PCDHGA2: variants seen among roughly 807,000 people sequenced by gnomAD.
The protein encoded by PCDHGA2 is protocadherin gamma subfamily A, 2.
PCDHGA2 carries 40 observed loss-of-function variants against 59.2 expected under a neutral mutation model. The observed-to-expected ratio is 0.68, with a 90% CI of 0.52 to 0.88. PCDHGA2 has a LOEUF of 0.88. Ranked by LOEUF, PCDHGA2 falls within the 40% of genes least tolerant of loss-of-function variation. PCDHGA2 has a pLI of 0.00. For missense variants in PCDHGA2, 1,226 were observed against 1,204.0 expected (o/e 1.02, Z -0.27); for synonymous variants, 560 against 526.0 (o/e 1.06, Z -0.89).
At chr5:141,474,106 A>G (rs1334111464) in intron 1 of PCDHGA2, among the ~76,000 whole-genome samples, 1 of 152,108 alleles carries the variant, frequency 6.6e-6, no homozygotes, top group African/African-American at 2.4e-5. Flanking sequence ...CAACAAAAAC[A>G]ACAACAACGA....
chr5:141,410,897 A>G (rs1276742953), intron 1 of PCDHGA2: 1 of 273,412 alleles, frequency 3.7e-6, no homozygotes, highest in African/African-American at 3.4e-5. Flanking sequence ...ACTGTTGCCT[A>G]GGCTGGAGTG....
intron 1 of PCDHGA2, chr5:141,355,521 G>C (rs1759885440): frequency 1.2e-6 from 2 of 1,613,948 alleles, no homozygotes; most frequent in Admixed American, 1.7e-5. Context: ...CAAACCTGGA[G>C]ATTCTTCTAG....
At chr5:141,405,370 G>C in intron 1 of PCDHGA2, 1 of 1,606,236 alleles carries the variant, frequency 6.2e-7, no homozygotes, top group Non-Finnish European at 8.5e-7. Flanking sequence ...ACACCCCTTT[G>C]GTTCCGGTGA....
At chr5:141,503,745 G>A (rs1377110427) in intron 2 of PCDHGA2, among the ~76,000 whole-genome samples, 3 of 152,220 alleles carry the variant, frequency 2.0e-5, no homozygotes, top group South Asian at 2.1e-4. Flanking sequence ...ATGGTATAGA[G>A]GTCACACATG....
chr5:141,434,852 A>G (rs1382212982), intron 1 of PCDHGA2, among the ~76,000 whole-genome samples: 2 of 151,990 alleles, frequency 1.3e-5, no homozygotes, highest in Non-Finnish European at 2.9e-5. Context: ...AGACATCAAT[A>G]AATTTATATA....
At chr5:141,346,623 C>T in intron 1 of PCDHGA2, 1 of 1,041,560 alleles carries the variant, frequency 9.6e-7, no homozygotes, top group East Asian at 2.6e-5. Context: ...GACTGCACTC[C>T]CCGGTCTGGT....
At chr5:141,391,884 G>C (rs1192403353) in intron 1 of PCDHGA2, 1 of 152,128 alleles carries the variant, frequency 6.6e-6, no homozygotes, top group East Asian at 1.9e-4. Flanking sequence ...TTGGTGAAAG[G>C]GATGGGATGG....
intron 1 of PCDHGA2, chr5:141,360,166 G>C (rs909709535): frequency 3.1e-6 from 5 of 1,607,806 alleles, no homozygotes; most frequent in Non-Finnish European, 4.2e-6. Flanking sequence ...GTGCGGGCTG[G>C]TGCGGTGGCT....
intron 1 of PCDHGA2, among the ~76,000 whole-genome samples, chr5:141,462,993 T>A (rs1350208420): frequency 1.3e-5 from 2 of 152,164 alleles, no homozygotes; most frequent in African/African-American, 4.8e-5. Flanking sequence ...TTGGGCTAAT[T>A]TAGACCTACC....
chr5:141,460,951 GTA>G (rs200454978), intron 1 of PCDHGA2, among the ~76,000 whole-genome samples: 208 of 139,744 alleles, frequency 1.5e-3, no homozygotes, highest in South Asian at 4.3e-3. Flanking sequence ...TATGTATTAT[GTA>G]TATATATATG....
chr5:141,409,023 A>C, intron 1 of PCDHGA2: 1 of 1,614,044 alleles, frequency 6.2e-7, no homozygotes, highest in Non-Finnish European at 8.5e-7. Flanking sequence ...GAGGGGGTCA[A>C]TGCTGAGATA....
chr5:141,482,645 G>A (rs1267966412), intron 1 of PCDHGA2, among the ~76,000 whole-genome samples: 1 of 152,120 alleles, frequency 6.6e-6, no homozygotes, highest in Admixed American at 6.5e-5. Context: ...TAGAGGTGGT[G>A]ATGCTTGAGC....
rs143025976 is a variant in PCDHGA2 at position 141,348,506 on chromosome 5, G to A, written c.2424+7111G>A. On this transcript the variant is annotated intron_variant, in intron 1 of 3. Coordinates refer to ENST00000394576, the MANE Select transcript of PCDHGA2 (RefSeq NM_018915.4). ...TAAGGAGAAAAAAAATTAATTAGCT[G>A]TGTCAGGGGAAATTTGGATGCTCAA... is the stretch of plus-strand genomic sequence containing the variant. 5.9e-5 allele frequency among the ~76,000 whole-genome samples: 9 copies of A among 152,260 alleles called. No individual in the cohort carries two copies. The East Asian group carries it at 1.5e-3, about 26-fold the overall frequency.
rs1561561698 is a variant in PCDHGA2 at position 141,374,186 on chromosome 5, A to G, written c.2424+32791A>G. 5 of 1,613,668 alleles carry G rather than the reference A, an allele frequency of 3.1e-6. No individual in the cohort carries two copies. The highest frequency in any genetic ancestry group is 3.3e-5 in the Admixed American group (2 of 60,008). On this transcript the variant is annotated intron_variant, in intron 1 of 3. Transcript: ENST00000394576. ...CGCGGCAGCGCAGATCCGCTACTCT[A>G]TTCCCGAGGAGCTGGAGAAAGGCTC... is the stretch of plus-strand genomic sequence containing the variant.
intron 1 of PCDHGA2, chr5:141,478,910 A>C (rs568573298): frequency 1.1e-6 from 1 of 893,688 alleles, no homozygotes; most frequent in Non-Finnish European, 1.6e-6. Context: ...AAGCTGCTGG[A>C]TACCTCTAAC....
rs528779386 is a variant in PCDHGA2, at chr5:141,509,416, C to T, written c.2573-1531C>T. Among the ~76,000 whole-genome samples, 4 of 152,258 alleles carry T rather than the reference C, an allele frequency of 2.6e-5. No individual in the cohort carries two copies. In the East Asian group the frequency reaches 7.7e-4, roughly 29 times the overall value. ...TCTCAGGGCCTCCAGCAGCGAGCCCCAATGAGTCAAACTCTTGTTTCCTCC... is the reference window on the plus strand; with the variant it reads ...TCTCAGGGCCTCCAGCAGCGAGCCCTAATGAGTCAAACTCTTGTTTCCTCC... On this transcript the variant is annotated intron_variant, in intron 3 of 3. Transcript: ENST00000394576.
In PCDHGA2 at chr5:141,489,684, T is replaced by A; in HGVS notation, c.2425-5123T>A. 1 of 1,614,180 alleles carries A rather than the reference T, an allele frequency of 6.2e-7. No homozygotes were observed. Among genetic ancestry groups the A allele is most frequent in the South Asian group, 1.1e-5 (1 of 91,078 alleles). ...TGCGCATCTCAGAATCAGCAGCATC[T>A]GGGGCACGATTCCCACTGGACAGTG... On this transcript the variant is annotated intron_variant, in intron 1 of 3. Transcript: ENST00000394576. This position sits in a 1 kb window ranked among gnomAD's most constrained non-coding sequence, Gnocchi z 4.5.
At chr5:141,499,289 C>T in intron 2 of PCDHGA2, among the ~76,000 whole-genome samples, 1 of 152,212 alleles carries the variant, frequency 6.6e-6, no homozygotes, top group African/African-American at 2.4e-5. Context: ...GATGGCTCCA[C>T]ACTACCATCC....
Position 141,364,897 on chromosome 5 carries a change from A to C in PCDHGA2, c.2424+23502A>C, listed in dbSNP as rs780576369. 45 of 1,613,852 alleles carry C rather than the reference A, an allele frequency of 2.8e-5. No homozygotes were observed. In the Admixed American group the frequency reaches 3.2e-4, roughly 11 times the overall value. ...ATGTGGTAAGCGGAACTGATGGACA[A>C]AAGTATCCGGAGCTGGTGTTGGAAC... On this transcript the variant is annotated intron_variant, in intron 1 of 3. Transcript: ENST00000394576.
Sources: allele counts gnomAD v4.1 joint callset (sites outside exome capture counted in the v4.1 genomes callset), GRCh38; gene constraint gnomAD v4.1.1; non-coding constraint Gnocchi (gnomAD v3.1); transcripts MANE v1.5; gene names NCBI Gene and HGNC (gene_info 2026-07-23, HGNC 2026-07-21).